Variants in USH2A observed in about 807,000 individuals in gnomAD.
USH2A encodes the protein Usher syndrome 2A (autosomal recessive, mild).
A neutral mutation model predicts 538.9 loss-of-function variants in USH2A; 443 were observed. The ratio of observed to expected loss-of-function variants is 0.82; its 90% CI spans 0.76 to 0.89. The LOEUF (loss-of-function observed/expected upper bound fraction) is 0.89. Among genes scored for constraint, USH2A ranks in the 40% least tolerant of loss-of-function variants. The pLI is 0.00. For synonymous variants in USH2A, 2,413 were observed against 2,273.5 expected (o/e 1.06, Z -1.75); for missense variants, 6,633 against 6,324.8 (o/e 1.05, Z -1.65).
chr1:216,394,847 T>C (rs1239965642), intron 3 of USH2A, among the ~76,000 whole-genome samples: 2 of 151,172 alleles, frequency 1.3e-5, no homozygotes, highest in Non-Finnish European at 2.9e-5. Context: ...GCCTCCCAAG[T>C]AGCTGGGACT....
intron 13 of USH2A, among the ~76,000 whole-genome samples, chr1:216,237,588 C>T (rs1206547625): frequency 3.3e-5 from 5 of 151,672 alleles, no homozygotes; most frequent in African/African-American, 1.2e-4. Flanking sequence ...TTATAAATGG[C>T]TCTTCTACTT....
At chr1:216,300,209 T>C (rs935834130) in intron 9 of USH2A, among the ~76,000 whole-genome samples, 3 of 152,226 alleles carry the variant, frequency 2.0e-5, no homozygotes, top group Non-Finnish European at 4.4e-5. Context: ...ATTTTAAAGT[T>C]TGATTTAAAA....
intron 3 of USH2A, among the ~76,000 whole-genome samples, chr1:216,398,974 A>G (rs1464013547): frequency 6.6e-6 from 1 of 152,130 alleles, no homozygotes; most frequent in Non-Finnish European, 1.5e-5. Context: ...CTGATCTTTC[A>G]TCCCCTGTCT....
At chr1:216,157,891 G>C (rs1193793998) in intron 21 of USH2A, among the ~76,000 whole-genome samples, 1 of 152,074 alleles carries the variant, frequency 6.6e-6, no homozygotes, top group Non-Finnish European at 1.5e-5. Flanking sequence ...CCAAACGTTA[G>C]CGTCATGCAA....
At chr1:215,644,838 CAGAG>C (rs1467631604) in intron 67 of USH2A, among the ~76,000 whole-genome samples, 1 of 152,116 alleles carries the variant, frequency 6.6e-6, no homozygotes, top group African/African-American at 2.4e-5. Context: ...GTTTTGCTGT[CAGAG>C]AGAGTAGAGT....
chr1:215,625,523 A>G lies in USH2A; in HGVS notation c.*258T>C, dbSNP rs1655985409. 5.8e-6 allele frequency: 3 copies of G among 514,624 alleles called. No homozygotes were observed. Among genetic ancestry groups the G allele is most frequent in the East Asian group, 7.1e-5 (2 of 28,282 alleles). The allele number at this position is 514,624 out of a possible 1,614,324, so 31.9% of individuals were successfully genotyped here. A position where few individuals can be genotyped will look rare whatever the true frequency, so the allele number is the denominator to read the frequency against. ...CCAAACAGAACCAAGTGACAATTAC[A>G]TACTTCTTTGTCTTCTACAAAATAA... On this transcript the variant is annotated 3_prime_UTR_variant, in exon 72 of 72. Coordinates refer to ENST00000307340, the MANE Select transcript of USH2A (RefSeq NM_206933.4).
chr1:216,174,547 CA>C, intron 21 of USH2A: 1 of 982,910 alleles, frequency 1.0e-6, no homozygotes. Context: ...ATAGTGCTTT[CA>C]CATTGATTTT....
At chr1:215,814,043 A>T in intron 48 of USH2A, 139 bp from the exon 49 acceptor site, 1 of 1,035,570 alleles carries the variant, frequency 9.7e-7, no homozygotes, top group African/African-American at 1.6e-5. Flanking sequence ...TTGGTTTAAA[A>T]ATGTATTTTC....
At chr1:216,315,126 A>G (rs2037483039) in intron 9 of USH2A, among the ~76,000 whole-genome samples, 1 of 152,214 alleles carries the variant, frequency 6.6e-6, no homozygotes, top group Admixed American at 6.5e-5. Flanking sequence ...AGTAATAAAT[A>G]TATTATAGCT....
intron 11 of USH2A, among the ~76,000 whole-genome samples, chr1:216,273,830 A>T: frequency 6.7e-6 from 1 of 149,054 alleles, no homozygotes; most frequent in East Asian, 2.0e-4. Flanking sequence ...AAAAAAAAAC[A>T]AACCAGCACA....
intron 38 of USH2A, among the ~76,000 whole-genome samples, chr1:215,924,427 A>G (rs1412410865): frequency 6.6e-6 from 1 of 152,148 alleles, no homozygotes; most frequent in Non-Finnish European, 1.5e-5. Context: ...GTGAGTATTT[A>G]TATAGGCAGG....
intron 47 of USH2A, among the ~76,000 whole-genome samples, chr1:215,819,525 G>A (rs1217572935): frequency 6.6e-6 from 1 of 151,978 alleles, no homozygotes; most frequent in Admixed American, 6.6e-5. Flanking sequence ...TAGATGACTT[G>A]TACAGCCACA....
chr1:215,957,901 C>G (rs1667107746), intron 37 of USH2A, among the ~76,000 whole-genome samples: 1 of 152,026 alleles, frequency 6.6e-6, no homozygotes, highest in Non-Finnish European at 1.5e-5. Flanking sequence ...GGAACAATTC[C>G]CCCACTGGCG....
rs566561790 is a variant in USH2A, at chr1:216,153,045, A to G, written c.4627+22207T>C. ...GAGGAGATTGGCCGCCGGATGCCCA[A>G]ACTCCAGGGGAAGATCATCTTCCCA... On this transcript the variant is annotated intron_variant, in intron 21 of 71. Coordinates refer to ENST00000307340, the MANE Select transcript of USH2A (RefSeq NM_206933.4). Among the ~76,000 whole-genome samples, 12 of 152,150 alleles carry G rather than the reference A, an allele frequency of 7.9e-5. No individual in the cohort carries two copies. The South Asian group carries it at 2.3e-3, about 29-fold the overall frequency.
intron 30 of USH2A, among the ~76,000 whole-genome samples, chr1:216,068,611 C>T (rs931571685): frequency 2.6e-5 from 4 of 151,756 alleles, no homozygotes; most frequent in Admixed American, 2.0e-4. Context: ...AGTGAGAGGA[C>T]GATAAGCTAT....
chr1:216,111,193 T>A (rs113950074), intron 21 of USH2A, among the ~76,000 whole-genome samples: 3,995 of 152,318 alleles, frequency 0.026, 191 homozygotes, highest in African/African-American at 0.089. Flanking sequence ...ATCGTGCCAC[T>A]GCACTCTAGC....
At chr1:215,968,122 G>C (rs1025592099) in intron 36 of USH2A, among the ~76,000 whole-genome samples, 2 of 152,096 alleles carry the variant, frequency 1.3e-5, no homozygotes, top group African/African-American at 4.8e-5. Context: ...CATTTAAAAA[G>C]TTCCTGCTGC....
chr1:216,082,769 T>C (rs911736411), intron 26 of USH2A, among the ~76,000 whole-genome samples: 1 of 152,062 alleles, frequency 6.6e-6, no homozygotes, highest in African/African-American at 2.4e-5. Context: ...CAATACATCA[T>C]TGGTAAGAGA....
At chr1:215,832,149 A>G (rs1220868867) in intron 47 of USH2A, among the ~76,000 whole-genome samples, 1 of 151,944 alleles carries the variant, frequency 6.6e-6, no homozygotes, top group Non-Finnish European at 1.5e-5. Flanking sequence ...CAAGTTAAAA[A>G]ACCTTCCATC....
Sources: allele counts gnomAD v4.1 joint callset (sites outside exome capture counted in the v4.1 genomes callset), GRCh38; gene constraint gnomAD v4.1.1; transcripts MANE v1.5; gene names NCBI Gene and HGNC (gene_info 2026-07-23, HGNC 2026-07-21).